Variants in KCNN2 observed in about 807,000 individuals in gnomAD.
The protein encoded by KCNN2 is potassium calcium-activated channel subfamily N member 2.
KCNN2 carries 24 observed loss-of-function variants against 55.5 expected under a neutral mutation model. The ratio of observed to expected loss-of-function variants is 0.43; its 90% CI spans 0.31 to 0.61. The LOEUF is 0.61. KCNN2 is among the 20% of genes least tolerant of loss of function. The pLI, the probability that KCNN2 is intolerant of heterozygous loss-of-function variation, is 0.08. For missense variants in KCNN2, 754 were observed against 853.6 expected (o/e 0.88, Z 1.45); for synonymous variants, 431 against 336.1 (o/e 1.28, Z -3.09).
chr5:114,207,244 A>G (rs924039341), intron 1 of KCNN2, among the ~76,000 whole-genome samples: 1 of 152,066 alleles, frequency 6.6e-6, no homozygotes, highest in Non-Finnish European at 1.5e-5. Flanking sequence ...CATGTTGTTC[A>G]TTTTATTCTC....
chr5:114,314,152 T>C (rs368662719), intron 2 of KCNN2, among the ~76,000 whole-genome samples: 73 of 152,212 alleles, frequency 4.8e-4, no homozygotes, highest in East Asian at 3.3e-3. Flanking sequence ...CTAACAACTT[T>C]TCAATAAAAT....
At chr5:114,432,703 G>A (rs1232601356) in intron 3 of KCNN2, among the ~76,000 whole-genome samples, 14 of 152,182 alleles carry the variant, frequency 9.2e-5, no homozygotes, top group African/African-American at 3.1e-4. Flanking sequence ...AGCGGGAACC[G>A]GGGCTGTGCG....
chr5:114,446,011 C>T (rs1325071807), intron 3 of KCNN2, among the ~76,000 whole-genome samples: 13 of 152,188 alleles, frequency 8.5e-5, no homozygotes, highest in Admixed American at 8.5e-4. Flanking sequence ...GATAATTCTT[C>T]ACTTCTTGTG....
At chr5:114,214,964 A>C (rs1249235054) in intron 1 of KCNN2, among the ~76,000 whole-genome samples, 1 of 152,128 alleles carries the variant, frequency 6.6e-6, no homozygotes, top group Non-Finnish European at 1.5e-5. Flanking sequence ...CAAATGAGTA[A>C]TATAGTCTGG....
intron 2 of KCNN2, among the ~76,000 whole-genome samples, chr5:114,235,577 A>G (rs1463172338): frequency 6.6e-6 from 1 of 152,234 alleles, no homozygotes; most frequent in Non-Finnish European, 1.5e-5. Context: ...TTTAGAAACT[A>G]TCCATTTATA....
intron 2 of KCNN2, among the ~76,000 whole-genome samples, chr5:114,310,475 A>C (rs927230788): frequency 6.6e-6 from 1 of 152,234 alleles, no homozygotes; most frequent in Admixed American, 6.5e-5. Flanking sequence ...CTGATACTTG[A>C]ATAATAAACA....
intron 2 of KCNN2, among the ~76,000 whole-genome samples, chr5:114,348,211 C>A (rs1424330674): frequency 7.2e-6 from 1 of 138,744 alleles, no homozygotes; most frequent in Non-Finnish European, 1.5e-5. Flanking sequence ...TTTGAGATAC[C>A]AAAGGGTGAT....
rs1360980326 is a variant in KCNN2, at chr5:114,470,878, G to T, written c.1780-2176G>T. 3.9e-5 allele frequency among the ~76,000 whole-genome samples: 6 copies of T among 152,184 alleles called. No individual in the cohort carries two copies. The South Asian group carries it at 1.2e-3, about 32-fold the overall frequency. ...CTTTTAAAAAATTTCAGACACCTGG[G>T]TTTTATCCCTGGAGATGAAGATTTG... On this transcript the variant is annotated intron_variant, in intron 4 of 7. Transcript: ENST00000673685.
At chr5:114,095,511 G>A (rs1023233578) in intron 1 of KCNN2, among the ~76,000 whole-genome samples, 4 of 152,166 alleles carry the variant, frequency 2.6e-5, no homozygotes, top group African/African-American at 9.7e-5. Context: ...TGGCATCACA[G>A]TGGAATTACA....
At chr5:114,192,864 AG>A (rs1753478896) in intron 1 of KCNN2, among the ~76,000 whole-genome samples, 1 of 152,078 alleles carries the variant, frequency 6.6e-6, no homozygotes, top group Non-Finnish European at 1.5e-5. Context: ...CTTTGCCCCC[AG>A]CCTTCCTCTT....
intron 1 of KCNN2, among the ~76,000 whole-genome samples, chr5:114,133,095 C>T (rs919445053): frequency 1.3e-5 from 2 of 151,972 alleles, no homozygotes; most frequent in Non-Finnish European, 2.9e-5. Context: ...TTTTACTGAG[C>T]CTAAATTTAG....
At chr5:114,196,958 T>C (rs960550876) in intron 1 of KCNN2, among the ~76,000 whole-genome samples, 2 of 152,108 alleles carry the variant, frequency 1.3e-5, no homozygotes, top group Non-Finnish European at 1.5e-5. Flanking sequence ...TCTTTCTCAA[T>C]TTCTAATAGA....
chr5:114,301,414 C>T (rs1339470373), intron 2 of KCNN2, among the ~76,000 whole-genome samples: 2 of 152,164 alleles, frequency 1.3e-5, no homozygotes, highest in Non-Finnish European at 2.9e-5. Context: ...TCGCATGCCT[C>T]CCGAGCGCAT....
At chr5:114,163,557 T>C (rs1322855073) in intron 1 of KCNN2, among the ~76,000 whole-genome samples, 1 of 152,232 alleles carries the variant, frequency 6.6e-6, no homozygotes, top group African/African-American at 2.4e-5. Context: ...ATGTGGTTTT[T>C]GTCTTTAATT....
intron 2 of KCNN2, among the ~76,000 whole-genome samples, chr5:114,386,901 G>C (rs757378347): frequency 6.6e-6 from 1 of 152,154 alleles, no homozygotes; most frequent in African/African-American, 2.4e-5. Context: ...GACGTATGTA[G>C]ATTTTTGCTT....
chr5:114,449,659 G>GC (rs1424897143), intron 3 of KCNN2, among the ~76,000 whole-genome samples: 1 of 152,122 alleles, frequency 6.6e-6, no homozygotes, highest in African/African-American at 2.4e-5. Context: ...TTGTCTCAGA[G>GC]CAAGTGAACA....
intron 1 of KCNN2, among the ~76,000 whole-genome samples, chr5:114,149,356 T>C (rs1003087535): frequency 2.0e-5 from 3 of 152,096 alleles, no homozygotes; most frequent in Non-Finnish European, 4.4e-5. Context: ...GTGCCAGATA[T>C]TGCAGGATCT....
At chr5:114,483,893 C>T (rs1463108873) in intron 5 of KCNN2, among the ~76,000 whole-genome samples, 1 of 152,004 alleles carries the variant, frequency 6.6e-6, no homozygotes, top group African/African-American at 2.4e-5. Flanking sequence ...ATCGGTAAAT[C>T]CTCTCATACC....
chr5:114,123,717 C>CT lies in KCNN2; in HGVS notation c.-271+67223dup, dbSNP rs36077270. On this transcript the variant is annotated intron_variant, in intron 1 of 10. Coordinates refer to the KCNN2 transcript ENST00000512097. ...ATAAAAAGGTCCCTCTTGTCTTCAG[C>CT]TTTTTTCATAAGCATCAGCAGATTT... 1.0e-3 allele frequency among the ~76,000 whole-genome samples: 154 copies of CT among 152,254 alleles called. 1 individual carries two copies. The highest frequency in any genetic ancestry group is 6.8e-3 in the Middle Eastern group (2 of 294).
Sources: gnomAD v4.1 joint callset for allele counts (sites outside exome capture counted in the v4.1 genomes callset) on GRCh38, gnomAD v4.1.1 for gene constraint, MANE v1.5 for transcripts, NCBI Gene and HGNC (gene_info 2026-07-23, HGNC 2026-07-21) for gene names.